Variants in NUP93 observed in about 807,000 individuals in gnomAD.
NUP93 encodes the protein nuclear pore complex protein Nup93.
In NUP93, 55 loss-of-function variants were observed where a neutral mutation model predicts 107.8. That is an observed-to-expected ratio of 0.51 (90% CI 0.41 to 0.64). The LOEUF is 0.64. Among genes scored for constraint, NUP93 ranks in the 30% least tolerant of loss-of-function variants. The pLI is 0.00. For synonymous variants in NUP93, 390 were observed against 397.5 expected, an observed-to-expected ratio of 0.98 and a Z score of 0.22; for missense variants, 937 against 1,044.7, an observed-to-expected ratio of 0.90 and a Z score of 1.42.
At chr16:56,829,715 C>T (rs761999327) in intron 9 of NUP93, among the ~76,000 whole-genome samples, 8 of 152,120 alleles carry the variant, frequency 5.3e-5, no homozygotes, top group African/African-American at 1.9e-4. Flanking sequence ...GAGAGAGTAT[C>T]GGGAGGACTG....
chr16:56,767,675 T>C (rs1312184655), intron 3 of NUP93, among the ~76,000 whole-genome samples: 5 of 152,200 alleles, frequency 3.3e-5, no homozygotes, highest in African/African-American at 1.2e-4. Flanking sequence ...CAAAATACAC[T>C]AGTGTGATAT....
At chr16:56,809,769 C>A (rs1296365337) in intron 5 of NUP93, among the ~76,000 whole-genome samples, 1 of 152,136 alleles carries the variant, frequency 6.6e-6, no homozygotes, top group East Asian at 1.9e-4. Context: ...ATTAAACTAG[C>A]CCCCAAATAA....
chr16:56,738,769 G>A (rs745951002), intron 1 of NUP93, among the ~76,000 whole-genome samples: 26 of 152,058 alleles, frequency 1.7e-4, no homozygotes, highest in Non-Finnish European at 3.5e-4. Context: ...GAGGAGAACA[G>A]AATCAGTATT....
chr16:56,747,672 G>T (rs1961843977), intron 1 of NUP93, among the ~76,000 whole-genome samples: 1 of 152,172 alleles, frequency 6.6e-6, no homozygotes, highest in Non-Finnish European at 1.5e-5. Context: ...TGTTTTCCTG[G>T]TCTTGGTTCA....
At chr16:56,830,986 A>G (rs774401743) in intron 10 of NUP93, among the ~76,000 whole-genome samples, 12 of 152,258 alleles carry the variant, frequency 7.9e-5, no homozygotes, top group Non-Finnish European at 1.6e-4. Context: ...TCTAAGGCAC[A>G]TCAAGGATGC....
intron 8 of NUP93, among the ~76,000 whole-genome samples, chr16:56,826,343 T>A (rs551325831): frequency 7.9e-5 from 12 of 151,674 alleles, no homozygotes; most frequent in Non-Finnish European, 1.8e-4. Context: ...GAAACCCCGG[T>A]TATACTAAAA....
At chr16:56,794,519 A>T (rs1469908312) in intron 3 of NUP93, among the ~76,000 whole-genome samples, 1 of 152,098 alleles carries the variant, frequency 6.6e-6, no homozygotes, top group Non-Finnish European at 1.5e-5. Flanking sequence ...TTCTTGCAGA[A>T]TATTATTTTG....
At chr16:56,794,481 T>C (rs1226518041) in intron 3 of NUP93, among the ~76,000 whole-genome samples, 1 of 152,200 alleles carries the variant, frequency 6.6e-6, no homozygotes, top group Non-Finnish European at 1.5e-5. Flanking sequence ...ACTTGAAATT[T>C]CATCTCTCAG....
At chr16:56,763,603 T>C (rs1420929223) in intron 3 of NUP93, among the ~76,000 whole-genome samples, 1 of 152,022 alleles carries the variant, frequency 6.6e-6, no homozygotes, top group Admixed American at 6.6e-5. Context: ...CCTTCACTTG[T>C]CCTGGAACAT....
intron 1 of NUP93, among the ~76,000 whole-genome samples, chr16:56,732,128 A>G (rs1408912163): frequency 6.6e-6 from 1 of 152,148 alleles, no homozygotes; most frequent in Non-Finnish European, 1.5e-5. Context: ...CTAGGGAGGC[A>G]CCTAGTGAGG....
At chr16:56,751,300 T>G (rs1203923261) in intron 2 of NUP93, among the ~76,000 whole-genome samples, 1 of 152,220 alleles carries the variant, frequency 6.6e-6, no homozygotes, top group African/African-American at 2.4e-5. Context: ...ATGTAAACAT[T>G]TATTACCCCA....
At chr16:56,844,092 G>A (rs1964076527) in intron 21 of NUP93, among the ~76,000 whole-genome samples, 1 of 152,208 alleles carries the variant, frequency 6.6e-6, no homozygotes, top group Non-Finnish European at 1.5e-5. Context: ...GGCTTCATGG[G>A]GCTCTGGAGA....
intron 20 of NUP93, 52 bp from the exon 21 acceptor site, chr16:56,841,653 T>G (rs1333440851): frequency 1.2e-6 from 2 of 1,600,522 alleles, no homozygotes; most frequent in Admixed American, 1.7e-5. Flanking sequence ...CATCTGTGGT[T>G]GGCCCCAAAG....
At chr16:56,831,571 A>G (rs1380154026) in intron 10 of NUP93, 3 of 369,570 alleles carry the variant, frequency 8.1e-6, no homozygotes, top group African/African-American at 4.2e-5. Flanking sequence ...GGGTTGTGCA[A>G]TGGAGTTCTA....
At chr16:56,785,677 A>C (rs1025573698) in intron 3 of NUP93, among the ~76,000 whole-genome samples, 1 of 152,216 alleles carries the variant, frequency 6.6e-6, no homozygotes, top group Non-Finnish European at 1.5e-5. Flanking sequence ...ACACTGTGAT[A>C]AGGGGTGGAC....
intron 2 of NUP93, among the ~76,000 whole-genome samples, chr16:56,755,212 C>G (rs1961996757): frequency 6.6e-6 from 1 of 152,106 alleles, no homozygotes; most frequent in Non-Finnish European, 1.5e-5. Context: ...TGGAAATAAT[C>G]CAAATGCCCA....
chr16:56,814,863 A>G (rs1963388419), intron 5 of NUP93, among the ~76,000 whole-genome samples: 3 of 152,094 alleles, frequency 2.0e-5, no homozygotes, highest in African/African-American at 7.2e-5. Context: ...AGTGCAGAGA[A>G]CCCCAGAGAT....
chr16:56,777,920 C>T (rs1384002049), intron 3 of NUP93, among the ~76,000 whole-genome samples: 2 of 152,176 alleles, frequency 1.3e-5, no homozygotes, highest in Non-Finnish European at 2.9e-5. Flanking sequence ...CTGGGCAGGG[C>T]CTAGTAGACA....
Position 56,844,702 on chromosome 16 carries a change from G to A in NUP93, c.*93G>A. On this transcript the variant is annotated 3_prime_UTR_variant, in exon 22 of 22. Transcript: ENST00000308159. Reference sequence around the variant, plus strand: ...TGGGGTTTCTGGTTTTGTTTCTGTTGTGTTTTGTTTTGGTTTCTGTATTAT... The same window carrying A: ...TGGGGTTTCTGGTTTTGTTTCTGTTATGTTTTGTTTTGGTTTCTGTATTAT... 1 of 645,146 alleles carries A rather than the reference G, an allele frequency of 1.6e-6. No individual in the cohort carries two copies. Among genetic ancestry groups the A allele is most frequent in the Non-Finnish European group, 2.4e-6 (1 of 413,832 alleles). 40.0% of individuals were successfully genotyped at this position (645,146 alleles called of 1,614,324 possible). A position where few individuals can be genotyped will look rare whatever the true frequency, so the allele number is the denominator to read the frequency against.
Sources: allele counts gnomAD v4.1 joint callset (sites outside exome capture counted in the v4.1 genomes callset), GRCh38; gene constraint gnomAD v4.1.1; transcripts MANE v1.5; gene names NCBI Gene and HGNC (gene_info 2026-07-23, HGNC 2026-07-21).